The following ANKRD18B variants were observed in gnomAD, a reference collection of about 807,000 sequenced individuals.
The protein encoded by ANKRD18B is ankyrin repeat domain 18B, also known as ankyrin repeat domain-containing protein 18B.
A neutral mutation model predicts 111.8 loss-of-function variants in ANKRD18B; 75 were observed. The ratio of observed to expected loss-of-function variants is 0.67; its 90% CI spans 0.56 to 0.81. The LOEUF is 0.81. Among genes scored for constraint, ANKRD18B ranks in the 40% least tolerant of loss-of-function variants. The pLI, the probability that ANKRD18B is intolerant of heterozygous loss-of-function variation, is 0.00. For missense variants in ANKRD18B, 1,038 were observed against 1,225.5 expected, an observed-to-expected ratio of 0.85 and a Z score of 2.28; for synonymous variants, 356 against 417.3, an observed-to-expected ratio of 0.85 and a Z score of 1.79.
intron 12 of ANKRD18B, among the ~76,000 whole-genome samples, chr9:33,551,869 G>A (rs1430987666): frequency 6.6e-6 from 1 of 152,180 alleles, no homozygotes; most frequent in Non-Finnish European, 1.5e-5. Flanking sequence ...ATTCAGACCT[G>A]ACAGGCAATG....
chr9:33,565,416 T>A (rs1196609939), intron 14 of ANKRD18B, among the ~76,000 whole-genome samples: 1 of 152,228 alleles, frequency 6.6e-6, no homozygotes, highest in African/African-American at 2.4e-5. Flanking sequence ...ATGAAACATT[T>A]GCGGTTTAGG....
chr9:33,530,637 C>T (rs998424678), intron 3 of ANKRD18B, among the ~76,000 whole-genome samples: 1 of 151,070 alleles, frequency 6.6e-6, no homozygotes, highest in South Asian at 2.1e-4. Context: ...CATAAGAAAT[C>T]TCTAAAAGAG....
chr9:33,567,130 G>A lies in ANKRD18B; in HGVS notation c.2770G>A (p.Glu924Lys), dbSNP rs113765551. ...QKQAEYEKQL[E>K]QLNKDNTASL... ...ACAAGCAGAATATGAAAAACAATTA[G>A]AGCAGTTAAACAAGGATAATACGGC... The change falls in exon 16 of 19, where the codon GAG (glutamate) becomes AAG (lysine). Residue 924 changes from glutamate (E) to lysine (K), a missense_variant. Coordinates refer to ENST00000684830, the MANE Select transcript of ANKRD18B (RefSeq NM_001393611.1). 18,786 of 1,538,140 alleles carry A rather than the reference G, an allele frequency of 0.012. 146 individuals are homozygous for A. The highest frequency in any genetic ancestry group is 0.021 in the Middle Eastern group (101 of 4,866).
chr9:33,554,652 A>G (rs1828496140), intron 12 of ANKRD18B, among the ~76,000 whole-genome samples: 1 of 152,112 alleles, frequency 6.6e-6, no homozygotes, highest in Non-Finnish European at 1.5e-5. Flanking sequence ...AATACAAACA[A>G]TTAGCTGGGT....
At chr9:33,555,873 C>G in intron 13 of ANKRD18B, 53 bp downstream of exon 13, 2 of 1,144,168 alleles carry the variant, frequency 1.7e-6, no homozygotes, top group Non-Finnish European at 2.3e-6. Flanking sequence ...TGATTTAACT[C>G]TAACTTTACT....
At chr9:33,575,294 C>T (rs1183333474), downstream of ANKRD18B, among the ~76,000 whole-genome samples, 1 of 152,044 alleles carries the variant, frequency 6.6e-6, no homozygotes, top group African/African-American at 2.4e-5. Context: ...AACCGCCCTA[C>T]TTGGTGCCTG....
chr9:33,547,425 T>C lies in ANKRD18B; in HGVS notation c.1150-513T>C, dbSNP rs557383665. Among the ~76,000 whole-genome samples, 11 of 152,300 alleles carry C rather than the reference T, an allele frequency of 7.2e-5. No individual in the cohort carries two copies. In the East Asian group the frequency reaches 2.1e-3, roughly 29 times the overall value. The stretch of plus-strand genomic sequence containing the variant: ...GTAATTCTTACAACTGACTAAAAAA[T>C]GTTGAGTCAAATCACAATAGAATAT... On this transcript the variant is annotated intron_variant, in intron 10 of 18. Coordinates refer to ENST00000684830, the MANE Select transcript of ANKRD18B (RefSeq NM_001393611.1).
At chr9:33,570,538 G>A (rs1473268108) in intron 17 of ANKRD18B, among the ~76,000 whole-genome samples, 3 of 151,096 alleles carry the variant, frequency 2.0e-5, no homozygotes, top group Non-Finnish European at 2.9e-5. Context: ...AAAATTTATT[G>A]AAGTAAAAAA....
At chr9:33,535,519 C>T (rs1828184627) in intron 5 of ANKRD18B, among the ~76,000 whole-genome samples, 2 of 151,760 alleles carry the variant, frequency 1.3e-5, no homozygotes, top group Non-Finnish European at 2.9e-5. Context: ...GATCTCCTGA[C>T]CTTGTGATCC....
At chr9:33,526,649 TATC>T (rs199812591) in intron 1 of ANKRD18B, among the ~76,000 whole-genome samples, 1,698 of 152,298 alleles carry the variant, frequency 0.011, 32 homozygotes, top group African/African-American at 0.039. Flanking sequence ...CACTATTTTT[TATC>T]ATTATTGTGA....
rs1400343728 is a variant in ANKRD18B, at chr9:33,541,186, A to T, written c.1037A>T (p.Lys346Ile). ...AMKPENLKKR[K>I]KRKKLKKRKE... ...AAGCCTGAAAATTTGAAAAAAAGAA[A>T]AAAAAGAAAAAAATTGAAAAAAAGA... Residue 346 changes from lysine to isoleucine, a missense_variant, in exon 9 of 19, where the codon AAA (lysine) becomes ATA (isoleucine). By Grantham distance (102) the Lys-to-Ile change is moderately radical. Around this residue, in one of 4 missense-constraint regions of ANKRD18B, gnomAD observed 205 missense variants for 201.3 expected, o/e 1.02. Transcript: ENST00000684830. The T allele has an allele frequency of 6.5e-7, 1 of 1,544,346 alleles. No individual in the cohort carries two copies. The highest frequency in any genetic ancestry group is 1.4e-5 in the African/African-American group (1 of 72,252).
intron 3 of ANKRD18B, among the ~76,000 whole-genome samples, chr9:33,530,450 C>T (rs1587256456): frequency 1.3e-5 from 2 of 149,116 alleles, no homozygotes; most frequent in African/African-American, 4.9e-5. Context: ...AGATGGAGAC[C>T]ATCCTGGCTA....
At chr9:33,540,012 T>C (rs1355435744) in intron 7 of ANKRD18B, 66 bp from the exon 8 acceptor site, 1 of 151,638 alleles carries the variant, frequency 6.6e-6, no homozygotes, top group Non-Finnish European at 1.5e-5. Flanking sequence ...GTCTTTTAAA[T>C]TGGGAGAAAA....
chr9:33,534,896 T>C (rs1828173917), intron 5 of ANKRD18B, among the ~76,000 whole-genome samples: 1 of 149,442 alleles, frequency 6.7e-6, no homozygotes, highest in Non-Finnish European at 1.5e-5. Context: ...GTGATTCTCC[T>C]GCCTTGGCCT....
intron 12 of ANKRD18B, 46 bp from the exon 13 acceptor site, chr9:33,555,662 G>C: frequency 8.4e-7 from 1 of 1,196,316 alleles, no homozygotes; most frequent in Non-Finnish European, 1.1e-6. Flanking sequence ...AGATAGAAGA[G>C]GGTCTCTAGA....
chr9:33,543,315 T>C lies in ANKRD18B; in HGVS notation c.1149+60T>C, dbSNP rs953966322. ...GTTTGTTTGTTTTTCTTTAATAACA[T>C]AGCATAGTCCAAATGAAGTGACCTT... On this transcript the variant is annotated intron_variant, in intron 10 of 18. Coordinates refer to ENST00000684830, the MANE Select transcript of ANKRD18B (RefSeq NM_001393611.1). The C allele has an allele frequency of 2.2e-6, 3 of 1,385,210 alleles. No homozygotes were observed. The African/African-American group carries it at 4.3e-5, about 20-fold the overall frequency. 85.8% of individuals were successfully genotyped at this position (1,385,210 alleles called of 1,614,324 possible).
chr9:33,537,061 C>T (rs1828212694), intron 6 of ANKRD18B, 116 bp downstream of exon 6: 8 of 683,726 alleles, frequency 1.2e-5, no homozygotes, highest in Non-Finnish European at 1.7e-5. Context: ...CTTTGGGAGG[C>T]CGAGGCAGGT....
intron 14 of ANKRD18B, among the ~76,000 whole-genome samples, chr9:33,563,023 C>T (rs1828629462): frequency 6.6e-6 from 1 of 152,140 alleles, no homozygotes; most frequent in African/African-American, 2.4e-5. Flanking sequence ...AGGAGACACC[C>T]TTGCCTTATT....
At chr9:33,554,149 G>GAGAA (rs1179266405) in intron 12 of ANKRD18B, among the ~76,000 whole-genome samples, 4 of 95,188 alleles carry the variant, frequency 4.2e-5, no homozygotes, top group Non-Finnish European at 8.0e-5. Flanking sequence ...GAGAGAGAGA[G>GAGAA]AGAAAGAAAG....
Sources: gnomAD v4.1 joint callset for allele counts (sites outside exome capture counted in the v4.1 genomes callset) on GRCh38, gnomAD v4.1.1 for gene constraint, gnomAD v4.1.1 regional missense constraint, MANE v1.5 for transcripts, NCBI Gene and HGNC (gene_info 2026-07-23, HGNC 2026-07-21) for gene names.